AK7: variants seen among roughly 807,000 people sequenced by gnomAD.
The protein encoded by AK7 is ATP-AMP transphosphorylase 7.
A neutral mutation model predicts 96.6 loss-of-function variants in AK7; 78 were observed. The observed-to-expected ratio is 0.81, with a 90% confidence interval of 0.67 to 0.97. The LOEUF (loss-of-function observed/expected upper bound fraction) is 0.97, where lower values mean the gene tolerates loss of function less well. Among genes scored for constraint, AK7 ranks in the 50% least tolerant of loss-of-function variants. The pLI is 0.00. For synonymous variants in AK7, 302 were observed against 317.2 expected (o/e 0.95, Z 0.51); for missense variants, 855 against 887.9 (o/e 0.96, Z 0.47).
rs577583264 is a variant in AK7 at position 96,438,123 on chromosome 14, G to A, written c.690+208G>A. ...CTCTCAAAATAATAATGAAAAAGAC[G>A]TATCTCCTTTCATTCATGAAACAGA... On this transcript the variant is annotated intron_variant, in intron 6 of 17. Coordinates refer to ENST00000267584, the MANE Select transcript of AK7 (RefSeq NM_152327.5). Among the ~76,000 whole-genome samples, 13 of 152,274 alleles carry A rather than the reference G, an allele frequency of 8.5e-5. No homozygotes were observed. In the South Asian group the frequency reaches 1.7e-3, roughly 19 times the overall value.
chr14:96,424,319 C>T (rs1891898752), intron 5 of AK7: 2 of 384,536 alleles, frequency 5.2e-6, no homozygotes, highest in Admixed American at 4.8e-5. Context: ...TTACAGAGGG[C>T]TTACTGTGTT....
At chr14:96,407,873 C>A (rs1890814807) in intron 3 of AK7, among the ~76,000 whole-genome samples, 1 of 152,088 alleles carries the variant, frequency 6.6e-6, no homozygotes, top group Non-Finnish European at 1.5e-5. Context: ...GCCACCACGC[C>A]CGGCCGATAT....
intron 1 of AK7, among the ~76,000 whole-genome samples, chr14:96,395,439 C>T (rs960487599): frequency 1.3e-5 from 2 of 152,042 alleles, no homozygotes; most frequent in South Asian, 4.2e-4. Flanking sequence ...TCAGGGGTGG[C>T]AGAGGTGGAA....
intron 4 of AK7, among the ~76,000 whole-genome samples, chr14:96,417,953 CTATGA>C (rs1891439787): frequency 6.6e-6 from 1 of 152,026 alleles, no homozygotes; most frequent in East Asian, 1.9e-4. Context: ...AATATATGCA[CTATGA>C]TATATTACAA....
At chr14:96,460,238 G>A (rs1182075304) in intron 12 of AK7, among the ~76,000 whole-genome samples, 1 of 152,172 alleles carries the variant, frequency 6.6e-6, no homozygotes, top group Non-Finnish European at 1.5e-5. Flanking sequence ...GAAAAATAAA[G>A]CCATTTCATC....
intron 3 of AK7, among the ~76,000 whole-genome samples, chr14:96,407,151 C>A (rs1263520211): frequency 2.0e-5 from 3 of 152,108 alleles, no homozygotes; most frequent in African/African-American, 4.8e-5. Context: ...GGGGAACAAG[C>A]AGATCATTCT....
chr14:96,482,979 C>T lies in AK7; in HGVS notation c.1754-20C>T. On this transcript the variant is annotated intron_variant, in intron 15 of 17. Transcript: ENST00000267584. ...GCCTAGAATATAAGTATGTGTTGAT[C>T]TCTCTCCTGGTATTTAAAGATGTAG... 6.2e-7 allele frequency: 1 copy of T among 1,612,066 alleles called. No homozygotes were observed.
At chr14:96,420,768 G>A in intron 4 of AK7, 54 bp from the exon 5 acceptor site, 1 of 1,252,400 alleles carries the variant, frequency 8.0e-7, no homozygotes, top group Middle Eastern at 2.3e-4. Flanking sequence ...AGCCTTAGAA[G>A]TCACACATCT....
At chr14:96,432,487 G>A (rs1355731661) in intron 5 of AK7, among the ~76,000 whole-genome samples, 2 of 152,048 alleles carry the variant, frequency 1.3e-5, no homozygotes, top group Non-Finnish European at 2.9e-5. Context: ...AGCATCGATG[G>A]TCTTTACAAT....
intron 15 of AK7, 29 bp from the exon 16 acceptor site, chr14:96,482,970 T>C (rs1895578417): frequency 6.2e-7 from 1 of 1,608,176 alleles, no homozygotes; most frequent in African/African-American, 1.3e-5. Context: ...AATATAAGTA[T>C]GTGTTGATCT....
intron 12 of AK7, 49 bp downstream of exon 12, chr14:96,458,261 A>G (rs1354530160): frequency 6.3e-7 from 1 of 1,578,320 alleles, no homozygotes. Flanking sequence ...AACAGTGGCT[A>G]TTTTTAAAAA....
At position 96,442,954 on chromosome 14, in the gene AK7, T is replaced by C. The variant is rs1595419871; in HGVS notation, c.779+136T>C. 4 of 752,026 alleles carry C rather than the reference T, an allele frequency of 5.3e-6. No individual in the cohort carries two copies. The East Asian group carries it at 1.0e-4, about 20-fold the overall frequency. The allele number at this position is 752,026 out of a possible 1,614,324, so 46.6% of individuals were successfully genotyped here. On this transcript the variant is annotated intron_variant, in intron 7 of 17. Coordinates refer to ENST00000267584, the MANE Select transcript of AK7 (RefSeq NM_152327.5). Reference sequence around the variant, plus strand: ...GTGTTCATTCTTCGTAACAACCCTATGCAGAAGGTACCGTCTTCTCCATTT... The same window carrying C: ...GTGTTCATTCTTCGTAACAACCCTACGCAGAAGGTACCGTCTTCTCCATTT...
At chr14:96,469,817 T>G (rs996484914) in intron 12 of AK7, among the ~76,000 whole-genome samples, 3 of 151,720 alleles carry the variant, frequency 2.0e-5, no homozygotes, top group Non-Finnish European at 2.9e-5. Flanking sequence ...TGTGTTTTGT[T>G]TTTTGTTTTT....
At chr14:96,405,528 G>T (rs947310255) in intron 3 of AK7, among the ~76,000 whole-genome samples, 1 of 152,030 alleles carries the variant, frequency 6.6e-6, no homozygotes, top group African/African-American at 2.4e-5. Flanking sequence ...TTCCATAGGC[G>T]CTGCTTAAGG....
At chr14:96,429,947 C>T (rs1369703479) in intron 5 of AK7, among the ~76,000 whole-genome samples, 4 of 152,076 alleles carry the variant, frequency 2.6e-5, no homozygotes, top group Non-Finnish European at 4.4e-5. Flanking sequence ...AATTGAATAC[C>T]CTTTATTTCT....
chr14:96,442,347 A>G (rs1433864116), intron 6 of AK7, among the ~76,000 whole-genome samples: 1 of 152,252 alleles, frequency 6.6e-6, no homozygotes, highest in Non-Finnish European at 1.5e-5. Flanking sequence ...GAATTAAGAC[A>G]TCATGCATGT....
chr14:96,406,461 T>G lies in AK7; in HGVS notation c.403+1596T>G, dbSNP rs146889323. On this transcript the variant is annotated intron_variant, in intron 3 of 17. Transcript: ENST00000267584. The stretch of plus-strand genomic sequence containing the variant: ...AAGAGGTTCGAATCATCAAGAAAAT[T>G]TTCCTTTTCTATTTAGAGGAAAACT... Among the ~76,000 whole-genome samples the G allele has an allele frequency of 1.8e-3, 274 of 152,288 alleles. 4 individuals are homozygous for G. The highest frequency in any genetic ancestry group is 6.2e-3 in the African/African-American group (257 of 41,556).
intron 8 of AK7, among the ~76,000 whole-genome samples, chr14:96,447,859 G>A (rs959706715): frequency 2.0e-5 from 3 of 152,078 alleles, no homozygotes; most frequent in African/African-American, 7.2e-5. Context: ...GCTACCATGC[G>A]GCCCAGCTAG....
At chr14:96,470,579 T>C (rs1332975301) in intron 12 of AK7, among the ~76,000 whole-genome samples, 1 of 152,016 alleles carries the variant, frequency 6.6e-6, no homozygotes, top group South Asian at 2.1e-4. Flanking sequence ...AGGAACCCAG[T>C]GTCAGGGCTT....
Sources: allele counts gnomAD v4.1 joint callset (sites outside exome capture counted in the v4.1 genomes callset), GRCh38; gene constraint gnomAD v4.1.1; transcripts MANE v1.5; gene names NCBI Gene and HGNC (gene_info 2026-07-23, HGNC 2026-07-21).